The following ZNF559 variants were observed in gnomAD, a reference collection of about 807,000 sequenced individuals.
ZNF559 encodes the protein zinc finger protein 559, also known as putative protein product of Nbla00121.
Under a neutral mutation model 14.2 loss-of-function variants are expected in ZNF559, and 17 were observed. The ratio of observed to expected loss-of-function variants is 1.20; its 90% CI spans 0.82 to 1.80. ZNF559 has a LOEUF of 1.80. Among genes scored for constraint, ZNF559 ranks in the 40% most tolerant of loss-of-function variants. The pLI, the probability that ZNF559 is intolerant of heterozygous loss-of-function variation, is 0.00. For synonymous variants in ZNF559, 244 were observed against 212.4 expected, an observed-to-expected ratio of 1.15 and a Z score of -1.29; for missense variants, 740 against 629.7, an observed-to-expected ratio of 1.18 and a Z score of -1.88.
intron 2 of ZNF559, among the ~76,000 whole-genome samples, chr19:9,331,485 C>T (rs1476119345): frequency 1.3e-5 from 2 of 152,172 alleles, no homozygotes; most frequent in African/African-American, 4.8e-5. Context: ...AACCAAAGGA[C>T]AGCAGGAGCC....
chr19:9,342,262 C>G lies in ZNF559; in HGVS notation c.811C>G (p.His271Asp). ...TCATAGTAGAGTGTTACCTATAGAA[C>G]ATAAGAAATTTGGCAAAGCCTTTGC... ...RTHSRVLPIEHKKFGKAFAFS... is the reference protein window; with the variant it reads ...RTHSRVLPIEDKKFGKAFAFS... Residue 271 changes from histidine to aspartate, a missense_variant, in exon 7 of 7, where the codon CAT (histidine) becomes GAT (aspartate). Physicochemically the swap from His to Asp is moderately conservative, Grantham distance 81. Transcript: ENST00000603380. 6.3e-7 allele frequency: 1 copy of G among 1,584,146 alleles called. No individual in the cohort carries two copies. The highest frequency in any genetic ancestry group is 8.5e-7 in the Non-Finnish European group (1 of 1,169,742).
chr19:9,339,161 T>C, intron 4 of ZNF559, 32 bp from the exon 5 acceptor site: 1 of 1,612,352 alleles, frequency 6.2e-7, no homozygotes, highest in Non-Finnish European at 8.5e-7. Flanking sequence ...AGAACGTACT[T>C]GCCTGACGCC....
In ZNF559 at chr19:9,343,250, A is replaced by G. The variant is rs2067658871; in HGVS notation, c.*182A>G. 8.5e-6 allele frequency: 12 copies of G among 1,415,496 alleles called. No individual in the cohort carries two copies. Among genetic ancestry groups the G allele is most frequent in the Non-Finnish European group, 1.0e-5 (11 of 1,088,136 alleles). 87.7% of individuals were successfully genotyped at this position (1,415,496 alleles called of 1,614,324 possible). On this transcript the variant is annotated 3_prime_UTR_variant, in exon 7 of 7. Coordinates refer to ENST00000603380, the MANE Select transcript of ZNF559 (RefSeq NM_032497.3). ...CATATGAATGTAAGGAATGTGGGAA[A>G]ATCTTGGCTCCTTCCATAGGCCTTA... is the stretch of plus-strand genomic sequence containing the variant.
chr19:9,341,022 A>G, intron 5 of ZNF559, 80 bp from the exon 6 acceptor site: 3 of 1,045,552 alleles, frequency 2.9e-6, no homozygotes, highest in Non-Finnish European at 2.9e-6. Flanking sequence ...ACTACAGTAC[A>G]TACTAGTCTT....
At chr19:9,324,485 T>A in intron 1 of ZNF559, 2 of 1,393,870 alleles carry the variant, frequency 1.4e-6, no homozygotes, top group Non-Finnish European at 1.9e-6. Context: ...CCATTTTCCC[T>A]GCTCCCCTCT....
chr19:9,335,470 A>G (rs1026161058), intron 2 of ZNF559, among the ~76,000 whole-genome samples: 4 of 151,842 alleles, frequency 2.6e-5, no homozygotes, highest in Non-Finnish European at 4.4e-5. Context: ...TCTCCCCCAT[A>G]CCCCCAGAAA....
At position 9,342,695 on chromosome 19, in the gene ZNF559, G is replaced by A. The variant is rs756078933; in HGVS notation, c.1244G>A (p.Gly415Glu). The change falls in exon 7 of 7, where the codon GGG becomes GAG. Residue 415 changes from glycine (G) to glutamate (E), a missense_variant. Coordinates refer to ENST00000603380, the MANE Select transcript of ZNF559 (RefSeq NM_032497.3). ...AAACCCTATGACTGTCAACAGTGTG[G>A]GAAAGCCTTCATTCGATCCTCATTT... is the stretch of plus-strand genomic sequence containing the variant. ...GVKPYDCQQC[G>E]KAFIRSSFLI... 6 of 1,614,178 alleles carry A rather than the reference G, an allele frequency of 3.7e-6. No homozygotes were observed. The highest frequency in any genetic ancestry group is 5.1e-6 in the Non-Finnish European group (6 of 1,180,034).
In ZNF559 at chr19:9,339,182, T is replaced by G; in HGVS notation, c.34-11T>G. Reference sequence around the variant, plus strand: ...TACTTGCCTGACGCCAGCATGTGTGTGATGGTTTAGGACTCAGTGACCTTT... The same window carrying G: ...TACTTGCCTGACGCCAGCATGTGTGGGATGGTTTAGGACTCAGTGACCTTT... On this transcript the variant is annotated splice_polypyrimidine_tract_variant and intron_variant, in intron 4 of 6. Transcript: ENST00000603380. 2 of 1,613,464 alleles carry G rather than the reference T, an allele frequency of 1.2e-6. No homozygotes were observed. Among genetic ancestry groups the G allele is most frequent in the Non-Finnish European group, 1.7e-6 (2 of 1,179,592 alleles).
At position 9,345,777 on chromosome 19, in the gene ZNF559, T is replaced by C. The variant is rs1393504978; in HGVS notation, c.*2709T>C. 6.6e-6 allele frequency: 1 copy of C among 151,518 alleles called. No individual in the cohort carries two copies. Among genetic ancestry groups the C allele is most frequent in the East Asian group, 1.9e-4 (1 of 5,194 alleles). The allele number at this position is 151,518 out of a possible 1,614,324, so 9.4% of individuals were successfully genotyped here. The stretch of plus-strand genomic sequence containing the variant: ...AGTTTAAAATTTGTAATATATTTAA[T>C]ATTAAACCTATTAGTGTATTTGATA... On this transcript the variant is annotated 3_prime_UTR_variant, in exon 7 of 7. Transcript: ENST00000603380.
intron 4 of ZNF559, 120 bp from the exon 5 acceptor site, chr19:9,339,073 C>T: frequency 7.3e-7 from 1 of 1,368,304 alleles, no homozygotes; most frequent in Non-Finnish European, 1.0e-6. Flanking sequence ...AAGTGAGGAC[C>T]ATCAAGTGAT....
At position 9,339,283 on chromosome 19, in the gene ZNF559, G is replaced by C; in HGVS notation, c.124G>C (p.Val42Leu). 7.4e-6 allele frequency: 12 copies of C among 1,613,892 alleles called. No individual in the cohort carries two copies. Among genetic ancestry groups the C allele is most frequent in the South Asian group, 1.1e-5 (1 of 91,070 alleles). The change falls in exon 5 of 7, where the codon GTG (valine) becomes CTG (leucine). Residue 42 changes from valine to leucine, a missense_variant. By Grantham distance (32) the Val-to-Leu change is conservative. Transcript: ENST00000603380. The stretch of plus-strand genomic sequence containing the variant: ...AACTCAGAGAAACTTATACAGAGAT[G>C]TGATGCTGGAGAACTATAAGAATCT... ...DQTQRNLYRD[V>L]MLENYKNLVA...
rs746753830 is a variant in ZNF559, at chr19:9,343,102, G to T, written c.*34G>T. 2 of 1,579,034 alleles carry T rather than the reference G, an allele frequency of 1.3e-6. No homozygotes were observed. Among genetic ancestry groups the T allele is most frequent in the East Asian group, 4.5e-5 (2 of 44,750 alleles). ...TGATACTTGGAAAGAATGTGGTAAA[G>T]CCACTACTTCCTCACACTTACTGAA... On this transcript the variant is annotated 3_prime_UTR_variant, in exon 7 of 7. Coordinates refer to ENST00000603380, the MANE Select transcript of ZNF559 (RefSeq NM_032497.3).
rs2067707152 is a variant in ZNF559, at chr19:9,345,438, C to T, written c.*2370C>T. ...TGAGCAGTATATAAGAGTTGCAATT[C>T]TTCTGCATCCTTGCCAATTATTGGT... On this transcript the variant is annotated 3_prime_UTR_variant, in exon 7 of 7. Coordinates refer to ENST00000603380, the MANE Select transcript of ZNF559 (RefSeq NM_032497.3). 2.6e-5 allele frequency: 4 copies of T among 152,124 alleles called. No individual in the cohort carries two copies. The highest frequency in any genetic ancestry group is 2.6e-4 in the Admixed American group (4 of 15,282). 9.4% of individuals were successfully genotyped at this position (152,124 alleles called of 1,614,324 possible).
At chr19:9,341,359 A>T in intron 6 of ZNF559, 175 bp downstream of exon 6, 1 of 757,122 alleles carries the variant, frequency 1.3e-6, no homozygotes, top group Non-Finnish European at 2.4e-6. Context: ...CACTCTAAAC[A>T]TCCCTCAGAA....
chr19:9,332,355 G>GTGTA (rs138636441), intron 2 of ZNF559, among the ~76,000 whole-genome samples: 2,409 of 150,010 alleles, frequency 0.016, 70 homozygotes, highest in African/African-American at 0.054. Flanking sequence ...ATGTGTGTGT[G>GTGTA]TATATATATA....
rs1212677713 is a variant in ZNF559 at position 9,324,720 on chromosome 19, A to G, written c.-180A>G. 1 of 1,533,728 alleles carries G rather than the reference A, an allele frequency of 6.5e-7. No individual in the cohort carries two copies. Among genetic ancestry groups the G allele is most frequent in the East Asian group, 2.5e-5 (1 of 40,804 alleles). On this transcript the variant is annotated 5_prime_UTR_variant, in exon 2 of 7. Coordinates refer to ENST00000603380, the MANE Select transcript of ZNF559 (RefSeq NM_032497.3). ...GAACAGCATCTCTGCCTTCCTGTTCACGGTGACCTTCGCTTGGTGTCCTCC... is the reference window on the plus strand; with the variant it reads ...GAACAGCATCTCTGCCTTCCTGTTCGCGGTGACCTTCGCTTGGTGTCCTCC...
At chr19:9,340,433 C>T (rs890191252) in intron 5 of ZNF559, among the ~76,000 whole-genome samples, 1 of 151,988 alleles carries the variant, frequency 6.6e-6, no homozygotes, top group Non-Finnish European at 1.5e-5. Context: ...CTCACTTCTC[C>T]TTTAAATTTA....
intron 5 of ZNF559, 41 bp from the exon 6 acceptor site, chr19:9,341,061 T>C: frequency 6.7e-7 from 1 of 1,494,240 alleles, no homozygotes; most frequent in African/African-American, 1.4e-5. Flanking sequence ...TTAAAATCAT[T>C]ATTTCTCTAA....
intron 2 of ZNF559, among the ~76,000 whole-genome samples, chr19:9,331,969 A>G (rs577645819): frequency 6.6e-6 from 1 of 152,344 alleles, no homozygotes; most frequent in East Asian, 1.9e-4. Flanking sequence ...GGCTTAGATT[A>G]TATGTTCAAA....
Sources: gnomAD v4.1 joint callset for allele counts (sites outside exome capture counted in the v4.1 genomes callset) on GRCh38, gnomAD v4.1.1 for gene constraint, MANE v1.5 for transcripts, NCBI Gene and HGNC (gene_info 2026-07-23, HGNC 2026-07-21) for gene names.